The following MECOM variants were observed in gnomAD, a reference collection of about 807,000 sequenced individuals.
MECOM encodes histone-lysine N-methyltransferase MECOM.
A neutral mutation model predicts 116.3 loss-of-function variants in MECOM; 13 were observed. That is an observed-to-expected ratio of 0.11 (90% CI 0.07 to 0.18). The LOEUF (loss-of-function observed/expected upper bound fraction) is 0.18, where lower values mean the gene tolerates loss of function less well. MECOM is among the 10% of genes least tolerant of loss of function. MECOM has a pLI of 1.00. For synonymous variants in MECOM, 528 were observed against 535.2 expected (o/e 0.99, Z 0.19); for missense variants, 1,299 against 1,509.0 (o/e 0.86, Z 2.31).
At chr3:169,311,772 T>C (rs1718819472) in intron 2 of MECOM, among the ~76,000 whole-genome samples, 1 of 152,210 alleles carries the variant, frequency 6.6e-6, no homozygotes, top group East Asian at 1.9e-4. Context: ...CAATATCCTC[T>C]TAGAAATACT....
chr3:169,280,441 G>A (rs1036190696), intron 2 of MECOM, among the ~76,000 whole-genome samples: 1 of 151,982 alleles, frequency 6.6e-6, no homozygotes, highest in Non-Finnish European at 1.5e-5. Context: ...AACATTTCCT[G>A]CTATCTCACT....
chr3:169,116,311 T>A lies in MECOM; in HGVS notation c.1561A>T (p.Thr521Ser). The change falls in exon 8 of 17, where the codon ACA becomes TCA. Residue 521 changes from threonine (T) to serine (S), a missense_variant. Physicochemically the swap from Thr to Ser is moderately conservative, Grantham distance 58 (BLOSUM62 1). This residue lies in a region of MECOM where 238 missense variants were observed against 273.1 expected (regional missense o/e 0.87). Transcript: ENST00000651503. ...PVKGLSSTEQTNKSQSPLMTH... is the reference protein window; with the variant it reads ...PVKGLSSTEQSNKSQSPLMTH... ...ATGAGGGGACTTTGACTTTTGTTTG[T>A]CTGTTCAGTACTTGATAGTCCTTTA... The A allele has an allele frequency of 1.9e-6, 3 of 1,614,202 alleles. No individual in the cohort carries two copies. The South Asian group carries it at 3.3e-5, about 18-fold the overall frequency.
intron 1 of MECOM, among the ~76,000 whole-genome samples, chr3:169,509,534 T>A (rs1293905970): frequency 6.6e-6 from 1 of 152,142 alleles, no homozygotes; most frequent in Non-Finnish European, 1.5e-5. Context: ...CTCCTGCCCC[T>A]GGTAACCACT....
chr3:169,266,893 A>AAAGG (rs1176829355), intron 2 of MECOM, among the ~76,000 whole-genome samples: 1 of 152,092 alleles, frequency 6.6e-6, no homozygotes, highest in South Asian at 2.1e-4. Flanking sequence ...GAGAAGGAAA[A>AAAGG]AAGGAAGGAA....
chr3:169,200,770 CTG>C (rs1460145591), intron 2 of MECOM, among the ~76,000 whole-genome samples: 1 of 152,078 alleles, frequency 6.6e-6, no homozygotes, highest in African/African-American at 2.4e-5. Context: ...CTGAGCTTCT[CTG>C]CCCAGGCCTA....
At chr3:169,470,016 CT>C (rs1306836683) in intron 1 of MECOM, 3 of 152,180 alleles carry the variant, frequency 2.0e-5, no homozygotes, top group Non-Finnish European at 4.4e-5. Flanking sequence ...GGAGTCAACT[CT>C]TAAATAAATT....
At chr3:169,265,953 C>T (rs1472812639) in intron 2 of MECOM, among the ~76,000 whole-genome samples, 1 of 152,052 alleles carries the variant, frequency 6.6e-6, no homozygotes, top group Non-Finnish European at 1.5e-5. Flanking sequence ...ATGTGGGAGG[C>T]TTCTAGCATT....
chr3:169,122,279 A>G (rs957186162), intron 6 of MECOM, among the ~76,000 whole-genome samples: 5 of 152,234 alleles, frequency 3.3e-5, no homozygotes, highest in African/African-American at 1.2e-4. Flanking sequence ...CCGCAAGGCC[A>G]TAAAACAACT....
chr3:169,085,173 A>G lies in MECOM; in HGVS notation c.3586-130T>C, dbSNP rs185369160. On this transcript the variant is annotated intron_variant, in intron 16 of 16. Transcript: ENST00000651503. ...GGCATCCTTCATGGGTGTGTTTGGC[A>G]AAGAAGGCATATTTTTTGTAGAAAC... The G allele has an allele frequency of 2.4e-4, 280 of 1,177,876 alleles. 5 individuals are homozygous for G. The African/African-American group carries it at 3.5e-3, about 15-fold the overall frequency. The allele number at this position is 1,177,876 out of a possible 1,614,324, so 73.0% of individuals were successfully genotyped here.
At chr3:169,569,679 C>A (rs897590295) in intron 1 of MECOM, among the ~76,000 whole-genome samples, 2 of 152,186 alleles carry the variant, frequency 1.3e-5, no homozygotes, top group East Asian at 3.8e-4. Flanking sequence ...TTAAGAAACT[C>A]GCTCAAACCT....
intron 3 of MECOM, among the ~76,000 whole-genome samples, chr3:169,134,861 T>G (rs1735868758): frequency 6.6e-6 from 1 of 152,110 alleles, no homozygotes. Flanking sequence ...AAATGAAAAT[T>G]TGTAGCCCTG....
At chr3:169,635,170 G>A (rs1362768) in intron 1 of MECOM, among the ~76,000 whole-genome samples, 15,798 of 152,128 alleles carry the variant, frequency 0.1, 974 homozygotes, top group East Asian at 0.25. Context: ...GTGACTTTGG[G>A]GAAGTTACTG....
intron 1 of MECOM, among the ~76,000 whole-genome samples, chr3:169,524,975 TAA>T (rs10718770): frequency 1.8e-4 from 26 of 147,144 alleles, no homozygotes; most frequent in African/African-American, 3.0e-4. Context: ...CATACTTGTT[TAA>T]AAAAAAAAAA....
intron 1 of MECOM, among the ~76,000 whole-genome samples, chr3:169,632,983 A>G (rs767798363): frequency 2.2e-4 from 33 of 152,256 alleles, no homozygotes; most frequent in Non-Finnish European, 4.7e-4. Context: ...ACTAAAGGAA[A>G]AAAGCAATGG....
intron 2 of MECOM, among the ~76,000 whole-genome samples, chr3:169,299,888 C>T (rs1716385071): frequency 6.6e-6 from 1 of 152,100 alleles, no homozygotes; most frequent in Non-Finnish European, 1.5e-5. Context: ...TGGAGAGAGC[C>T]TTCACTATGA....
intron 12 of MECOM, among the ~76,000 whole-genome samples, chr3:169,097,163 T>G (rs540486436): frequency 1.3e-5 from 2 of 152,202 alleles, no homozygotes; most frequent in East Asian, 3.9e-4. Context: ...CCCAAAACAC[T>G]TTCTACACAA....
intron 1 of MECOM, among the ~76,000 whole-genome samples, chr3:169,520,439 C>G (rs1757206783): frequency 6.6e-6 from 1 of 152,148 alleles, no homozygotes. Flanking sequence ...CCGCCATTTT[C>G]TTGAGCCACA....
chr3:169,351,612 T>C (rs917331988), intron 2 of MECOM, among the ~76,000 whole-genome samples: 1 of 151,948 alleles, frequency 6.6e-6, no homozygotes, highest in African/African-American at 2.4e-5. Context: ...CATTTTTCTT[T>C]TGTTAATAAT....
chr3:169,233,653 T>C (rs541444907), intron 2 of MECOM, among the ~76,000 whole-genome samples: 3 of 152,210 alleles, frequency 2.0e-5, no homozygotes, highest in Non-Finnish European at 4.4e-5. Context: ...CTTTTTTATT[T>C]CTCTGCCAGT....
Sources: allele counts gnomAD v4.1 joint callset (sites outside exome capture counted in the v4.1 genomes callset), GRCh38; gene constraint gnomAD v4.1.1; regional missense constraint gnomAD v4.1.1; transcripts MANE v1.5; gene names NCBI Gene and HGNC (gene_info 2026-07-23, HGNC 2026-07-21).